Variants in ATF6 observed in about 807,000 individuals in gnomAD.
ATF6 encodes the protein activating transcription factor 6.
Under a neutral mutation model 83.6 loss-of-function variants are expected in ATF6, and 53 were observed. The observed-to-expected ratio is 0.63, with a 90% CI of 0.51 to 0.80. The LOEUF is 0.80. Ranked by LOEUF, ATF6 falls within the 30% of genes least tolerant of loss-of-function variation. The pLI, the probability that ATF6 is intolerant of heterozygous loss-of-function variation, is 0.00. For missense variants in ATF6, 744 were observed against 797.9 expected, an observed-to-expected ratio of 0.93 and a Z score of 0.81; for synonymous variants, 288 against 285.8, an observed-to-expected ratio of 1.01 and a Z score of -0.08.
intron 15 of ATF6, among the ~76,000 whole-genome samples, chr1:161,946,509 T>TA (rs1421201684): frequency 1.3e-5 from 2 of 152,218 alleles, no homozygotes; most frequent in Non-Finnish European, 2.9e-5. Context: ...ACATCCTTGC[T>TA]AAAAAATCTC....
At chr1:161,913,308 TTGA>T (rs1571232743) in intron 15 of ATF6, among the ~76,000 whole-genome samples, 3 of 152,188 alleles carry the variant, frequency 2.0e-5, no homozygotes, top group Admixed American at 2.0e-4. Flanking sequence ...AGTTCACATT[TTGA>T]TTGATAAATA....
chr1:161,823,091 GT>G (rs1685803980), intron 9 of ATF6, among the ~76,000 whole-genome samples: 1 of 151,926 alleles, frequency 6.6e-6, no homozygotes, highest in East Asian at 1.9e-4. Context: ...ACCCTTAAAA[GT>G]TACCAAGGAT....
intron 7 of ATF6, among the ~76,000 whole-genome samples, chr1:161,804,556 TCTG>T (rs1245919755): frequency 1.3e-5 from 2 of 152,112 alleles, no homozygotes; most frequent in Non-Finnish European, 2.9e-5. Flanking sequence ...ATAGAATTGT[TCTG>T]CTTGTTCCAG....
At position 161,851,795 on chromosome 1, in the gene ATF6, C is replaced by A. The variant is rs764225071; in HGVS notation, c.1393C>A (p.Pro465Thr). The A allele has an allele frequency of 6.2e-7, 1 of 1,613,854 alleles. No homozygotes were observed. ...AGAACCATTGCTTTACATTCCTCCA[C>A]CTCCTTGTCAGCCCCTAATTAACAC... is the stretch of plus-strand genomic sequence containing the variant. The part of the protein sequence containing the change: ...TEEPLLYIPP[P>T]PCQPLINTTE... The change falls in exon 11 of 16, where the codon CCT becomes ACT. Residue 465 changes from proline to threonine, a missense_variant. Coordinates refer to ENST00000367942, the MANE Select transcript of ATF6 (RefSeq NM_007348.4).
rs779454856 is a variant in ATF6, at chr1:161,853,265, T to C, written c.1475T>C (p.Val492Ala). The C allele has an allele frequency of 1.9e-6, 3 of 1,613,812 alleles. No homozygotes were observed. Among genetic ancestry groups the C allele is most frequent in the Non-Finnish European group, 2.5e-6 (3 of 1,179,716 alleles). The change falls in exon 12 of 16, where the codon GTA (valine) becomes GCA (alanine). Residue 492 changes from valine to alanine, a missense_variant. By Grantham distance (64) the Val-to-Ala change is moderately conservative (BLOSUM62 0). Transcript: ENST00000367942. ...ELRGWVHRHE[V>A]ERTKSRRMTN... The stretch of plus-strand genomic sequence containing the variant: ...CGAGGATGGGTTCATAGACATGAAG[T>C]AGAAAGGACCAAGTCAAGAAGAATG...
chr1:161,844,780 C>T (rs1170419512), intron 9 of ATF6, among the ~76,000 whole-genome samples: 1 of 152,088 alleles, frequency 6.6e-6, no homozygotes, highest in Non-Finnish European at 1.5e-5. Flanking sequence ...TCATCACACT[C>T]TTCATTTGAC....
intron 15 of ATF6, among the ~76,000 whole-genome samples, chr1:161,919,012 C>A (rs142755308): frequency 6.6e-6 from 1 of 152,142 alleles, no homozygotes; most frequent in African/African-American, 2.4e-5. Flanking sequence ...TTTCAGAAAT[C>A]GCTAAAGAGA....
chr1:161,861,048 T>A (rs1474002372), intron 13 of ATF6, among the ~76,000 whole-genome samples: 9 of 152,176 alleles, frequency 5.9e-5, no homozygotes, highest in Non-Finnish European at 1.3e-4. Context: ...TACAAAATGC[T>A]GGCTGCACAG....
chr1:161,790,534 G>A (rs539776935), intron 4 of ATF6, among the ~76,000 whole-genome samples: 2 of 152,234 alleles, frequency 1.3e-5, no homozygotes, highest in South Asian at 2.1e-4. Context: ...TGTTGGCTGG[G>A]TGGGGTGGTT....
At chr1:161,805,796 G>T (rs1035223586) in intron 7 of ATF6, among the ~76,000 whole-genome samples, 13 of 144,272 alleles carry the variant, frequency 9.0e-5, no homozygotes, top group Admixed American at 2.9e-4. Context: ...TATGGTGAAA[G>T]AATTGTAATC....
At chr1:161,917,384 C>T (rs1293371403) in intron 15 of ATF6, among the ~76,000 whole-genome samples, 2 of 151,964 alleles carry the variant, frequency 1.3e-5, no homozygotes, top group African/African-American at 4.8e-5. Flanking sequence ...GTTTCAGATA[C>T]ACCTTATATA....
chr1:161,865,404 C>A (rs1028849865), intron 14 of ATF6, among the ~76,000 whole-genome samples: 1 of 152,126 alleles, frequency 6.6e-6, no homozygotes, highest in Non-Finnish European at 1.5e-5. Context: ...GTGATCCACC[C>A]GCCTCGGCCT....
chr1:161,817,932 C>A (rs1301300779), intron 7 of ATF6, among the ~76,000 whole-genome samples: 4 of 151,824 alleles, frequency 2.6e-5, no homozygotes, highest in Non-Finnish European at 5.9e-5. Context: ...CCTGTCTCTA[C>A]CAAAAATACA....
intron 11 of ATF6, among the ~76,000 whole-genome samples, chr1:161,852,497 C>T (rs762048370): frequency 5.9e-5 from 9 of 152,120 alleles, no homozygotes; most frequent in Non-Finnish European, 1.2e-4. Context: ...GGTTTTAATG[C>T]ATCTATTTGT....
At chr1:161,852,025 T>C (rs1408121356) in intron 11 of ATF6, among the ~76,000 whole-genome samples, 190 bp downstream of exon 11, 4 of 152,222 alleles carry the variant, frequency 2.6e-5, no homozygotes, top group Non-Finnish European at 4.4e-5. Flanking sequence ...GTCTATTTTA[T>C]GTGATAGTTG....
At chr1:161,911,057 C>T (rs1687982541) in intron 14 of ATF6, among the ~76,000 whole-genome samples, 1 of 152,096 alleles carries the variant, frequency 6.6e-6, no homozygotes, top group Admixed American at 6.5e-5. Flanking sequence ...GATAATCACA[C>T]TTCATAATCA....
intron 6 of ATF6, among the ~76,000 whole-genome samples, chr1:161,794,212 G>A (rs1684954750): frequency 6.6e-6 from 1 of 151,986 alleles, no homozygotes; most frequent in African/African-American, 2.4e-5. Context: ...TGCCTTGTCT[G>A]TTTTTATAGT....
chr1:161,837,861 T>A (rs1188293790), intron 9 of ATF6, among the ~76,000 whole-genome samples: 8 of 152,342 alleles, frequency 5.3e-5, no homozygotes, highest in South Asian at 4.1e-4. Flanking sequence ...AGTATTCTAT[T>A]TGATATATGG....
rs578006399 is a variant in ATF6, at chr1:161,849,677, TA to T, written c.1320-2044del. 2.3e-4 allele frequency among the ~76,000 whole-genome samples: 35 copies of T among 149,866 alleles called. No individual in the cohort carries two copies. The South Asian group carries it at 4.6e-3, about 20-fold the overall frequency. On this transcript the variant is annotated intron_variant, in intron 10 of 15. Transcript: ENST00000367942. Reference sequence around the variant, plus strand: ...AAGGTTTGGAACTGTAAACTTTTTTTATTTTCTTTCTGCCTAGGTGACTCAT... The same window carrying T: ...AAGGTTTGGAACTGTAAACTTTTTTTTTTTCTTTCTGCCTAGGTGACTCAT...
Sources: gnomAD v4.1 joint callset for allele counts (sites outside exome capture counted in the v4.1 genomes callset) on GRCh38, gnomAD v4.1.1 for gene constraint, MANE v1.5 for transcripts, NCBI Gene and HGNC (gene_info 2026-07-23, HGNC 2026-07-21) for gene names.